The following GNAQ variants were observed in gnomAD, a reference collection of about 807,000 sequenced individuals.
GNAQ encodes the protein guanine nucleotide-binding protein G(q) subunit alpha.
A neutral mutation model predicts 43.9 loss-of-function variants in GNAQ; 8 were observed. That is an observed-to-expected ratio of 0.18 (90% CI 0.11 to 0.33). The LOEUF (loss-of-function observed/expected upper bound fraction) is 0.33, where lower values mean the gene tolerates loss of function less well. GNAQ is among the 10% of genes least tolerant of loss of function. The pLI, the probability that GNAQ is intolerant of heterozygous loss-of-function variation, is 1.00. For missense variants in GNAQ, 158 were observed against 450.8 expected (o/e 0.35, Z 5.88); for synonymous variants, 155 against 170.7 (o/e 0.91, Z 0.71).
Position 77,880,005 on chromosome 9 carries a change from C to T in GNAQ, c.321+42156G>A, listed in dbSNP as rs139409378. 3.0e-4 allele frequency among the ~76,000 whole-genome samples: 45 copies of T among 152,284 alleles called. No homozygotes were observed. The East Asian group carries it at 8.3e-3, about 28-fold the overall frequency. ...ATTTGTTTAGTGTCCAAGCATGCCA[C>T]ACAGCACGTTAGTGAGTAGAAAATC... On this transcript the variant is annotated intron_variant, in intron 2 of 6. Transcript: ENST00000286548.
chr9:77,804,820 C>A (rs567592340), intron 3 of GNAQ, among the ~76,000 whole-genome samples: 1 of 152,052 alleles, frequency 6.6e-6, no homozygotes, highest in Non-Finnish European at 1.5e-5. Flanking sequence ...GAAAATGATT[C>A]TGGGTAGGTC....
At chr9:77,758,108 G>C (rs1825933001) in intron 5 of GNAQ, among the ~76,000 whole-genome samples, 1 of 152,218 alleles carries the variant, frequency 6.6e-6, no homozygotes, top group South Asian at 2.1e-4. Flanking sequence ...GAAACCTCAA[G>C]TACAAAGGAT....
Position 77,946,631 on chromosome 9 carries a change from A to AAAAAT in GNAQ, c.137-24291_137-24287dup, listed in dbSNP as rs201492810. Among the ~76,000 whole-genome samples, 1,116 of 152,318 alleles carry AAAAAT rather than the reference A, an allele frequency of 7.3e-3. 12 individuals are homozygous for AAAAAT. Among genetic ancestry groups the AAAAAT allele is most frequent in the African/African-American group, 0.024 (1,005 of 41,532 alleles). On this transcript the variant is annotated intron_variant, in intron 1 of 6. Transcript: ENST00000286548. The stretch of plus-strand genomic sequence containing the variant: ...TCAAATAGGCAATGCAGAATAAGAC[A>AAAAAT]AAAATAAAATAAAATAAAATGAAAC...
chr9:77,874,104 CAAAAAAAA>C (rs71937328), intron 2 of GNAQ, among the ~76,000 whole-genome samples: 170 of 98,998 alleles, frequency 1.7e-3, no homozygotes, highest in African/African-American at 6.0e-3. Context: ...AACTCCATCT[CAAAAAAAA>C]AAAACAAAAA....
rs145773336 is a variant in GNAQ, at chr9:77,958,547, G to A, written c.137-36202C>T. Among the ~76,000 whole-genome samples the A allele has an allele frequency of 2.4e-4, 37 of 152,312 alleles. No homozygotes were observed. In the East Asian group the frequency reaches 5.8e-3, roughly 24 times the overall value. ...AGAAAATTGACAGAATGTAAGAATT[G>A]TTATACATAAAACTGACAAATATTT... On this transcript the variant is annotated intron_variant, in intron 1 of 6. Coordinates refer to ENST00000286548, the MANE Select transcript of GNAQ (RefSeq NM_002072.5).
At chr9:77,756,137 T>C (rs1207220929) in intron 5 of GNAQ, among the ~76,000 whole-genome samples, 2 of 152,228 alleles carry the variant, frequency 1.3e-5, no homozygotes, top group Non-Finnish European at 2.9e-5. Flanking sequence ...TTCTTCAGCT[T>C]TGGAACTCGG....
intron 2 of GNAQ, among the ~76,000 whole-genome samples, chr9:77,912,223 G>T (rs993173163): frequency 2.0e-5 from 3 of 152,146 alleles, no homozygotes; most frequent in African/African-American, 7.2e-5. Context: ...CAATGGAACA[G>T]AATGGAGAGT....
In GNAQ at chr9:77,719,047, A is replaced by T. The variant is rs1249851128; in HGVS notation, c.*2276T>A. 8.7e-6 allele frequency: 2 copies of T among 231,178 alleles called. No homozygotes were observed. The highest frequency in any genetic ancestry group is 1.7e-5 in the Non-Finnish European group (2 of 117,288). 14.3% of individuals were successfully genotyped at this position (231,178 alleles called of 1,614,324 possible). On this transcript the variant is annotated 3_prime_UTR_variant, in exon 7 of 7. Coordinates refer to ENST00000286548, the MANE Select transcript of GNAQ (RefSeq NM_002072.5). ...TACCTTTGGGTCTTATAATCAGTAT[A>T]CCTCTACTCAGGAATGTGCAAATGA...
At chr9:77,848,720 C>T (rs1397328238) in intron 2 of GNAQ, among the ~76,000 whole-genome samples, 1 of 152,228 alleles carries the variant, frequency 6.6e-6, no homozygotes, top group Admixed American at 6.5e-5. Context: ...GGCCTCTCAT[C>T]AGAGCCAACG....
intron 2 of GNAQ, among the ~76,000 whole-genome samples, chr9:77,896,636 T>C (rs1828507860): frequency 6.6e-6 from 1 of 152,258 alleles, no homozygotes; most frequent in Non-Finnish European, 1.5e-5. Context: ...TCTTTTCTTT[T>C]TTCTCATTTC....
intron 1 of GNAQ, among the ~76,000 whole-genome samples, chr9:77,938,150 G>C (rs945338494): frequency 8.5e-5 from 13 of 152,064 alleles, no homozygotes; most frequent in Non-Finnish European, 1.8e-4. Context: ...TATAATACCT[G>C]ATACAATGTA....
chr9:77,762,309 C>T, intron 5 of GNAQ, among the ~76,000 whole-genome samples: 1 of 147,720 alleles, frequency 6.8e-6, no homozygotes, highest in Admixed American at 6.6e-5. Context: ...GGGGGGTCAG[C>T]CCCCCGCCCG....
At chr9:77,806,826 GT>G (rs1826838052) in intron 3 of GNAQ, among the ~76,000 whole-genome samples, 1 of 152,158 alleles carries the variant, frequency 6.6e-6, no homozygotes, top group Admixed American at 6.5e-5. Context: ...CACAAATCAT[GT>G]CCTCAAGGAG....
intron 1 of GNAQ, among the ~76,000 whole-genome samples, chr9:77,939,850 T>C (rs1016142111): frequency 6.6e-6 from 1 of 152,178 alleles, no homozygotes; most frequent in Admixed American, 6.5e-5. Context: ...TATAAGACTG[T>C]GTGGCAAGCC....
chr9:77,726,313 T>C (rs554183195), intron 6 of GNAQ, among the ~76,000 whole-genome samples: 49 of 152,350 alleles, frequency 3.2e-4, no homozygotes, highest in African/African-American at 1.2e-3. Context: ...AGAGAGGATA[T>C]GAACACAATG....
At chr9:77,859,142 A>C (rs1253872504) in intron 2 of GNAQ, among the ~76,000 whole-genome samples, 1 of 152,132 alleles carries the variant, frequency 6.6e-6, no homozygotes, top group Non-Finnish European at 1.5e-5. Flanking sequence ...ACCTGCTCTA[A>C]ATGCTAACTC....
chr9:77,738,527 T>C lies in GNAQ; in HGVS notation c.736-9860A>G, dbSNP rs568395635. Among the ~76,000 whole-genome samples the C allele has an allele frequency of 7.2e-5, 11 of 152,294 alleles. No individual in the cohort carries two copies. In the East Asian group the frequency reaches 9.6e-4, roughly 13 times the overall value. On this transcript the variant is annotated intron_variant, in intron 5 of 6. Transcript: ENST00000286548. ...TAGTTGAATTGCCCACATAAAACTA[T>C]TGTATTTTTGTTAATTTTTGTTTTC...
rs1384408368 is a variant in GNAQ at position 77,719,141 on chromosome 9, ATG to A, written c.*2180_*2181del. The A allele has an allele frequency of 4.3e-6, 1 of 231,764 alleles. No homozygotes were observed. The allele number at this position is 231,764 out of a possible 1,614,324, so 14.4% of individuals were successfully genotyped here. On this transcript the variant is annotated 3_prime_UTR_variant, in exon 7 of 7. Coordinates refer to ENST00000286548, the MANE Select transcript of GNAQ (RefSeq NM_002072.5). ...GTTTTTTTTTTTTCTTCTTTTCTAA[ATG>A]GAAAGAAAATATCCCTAGTCAGAAA...
At chr9:77,913,502 C>G (rs1828842832) in intron 2 of GNAQ, among the ~76,000 whole-genome samples, 1 of 152,034 alleles carries the variant, frequency 6.6e-6, no homozygotes, top group South Asian at 2.1e-4. Flanking sequence ...CTGTATTGGA[C>G]AGAAGAGATA....
Sources: allele counts gnomAD v4.1 joint callset (sites outside exome capture counted in the v4.1 genomes callset), GRCh38; gene constraint gnomAD v4.1.1; transcripts MANE v1.5; gene names NCBI Gene and HGNC (gene_info 2026-07-23, HGNC 2026-07-21).